SPATA6: variants seen among roughly 807,000 people sequenced by gnomAD.
SPATA6 encodes the protein spermatogenesis associated 6, also known as spermatogenesis-associated protein 6.
SPATA6 carries 56 observed loss-of-function variants against 65.3 expected under a neutral mutation model. The ratio of observed to expected loss-of-function variants is 0.86; its 90% CI spans 0.69 to 1.07. The LOEUF is 1.07. Among genes scored for constraint, SPATA6 ranks in the 50% least tolerant of loss-of-function variants. The pLI is 0.00. For missense variants in SPATA6, 590 were observed against 594.8 expected (o/e 0.99, Z 0.08); for synonymous variants, 199 against 213.2 (o/e 0.93, Z 0.58).
At chr1:48,287,422 G>C in the SPATA6 span, among the ~76,000 whole-genome samples, 1 of 152,188 alleles carries the variant, frequency 6.6e-6, no homozygotes, top group Admixed American at 6.5e-5. Flanking sequence ...TTTCATGTTT[G>C]TCCCCTCCAA....
chr1:48,342,680 T>C (rs1351485128), intron 11 of SPATA6, among the ~76,000 whole-genome samples: 11 of 151,590 alleles, frequency 7.3e-5, no homozygotes, highest in Non-Finnish European at 1.5e-4. Flanking sequence ...AACAAATTTA[T>C]ATTTTGTGAG....
intron 1 of SPATA6, among the ~76,000 whole-genome samples, chr1:48,457,277 C>G (rs535161543): frequency 6.6e-6 from 1 of 151,862 alleles, no homozygotes; most frequent in East Asian, 1.9e-4. Flanking sequence ...ACTAAAAACA[C>G]AAAAATTAGC....
intron 11 of SPATA6, among the ~76,000 whole-genome samples, chr1:48,352,014 G>A (rs1646524803): frequency 6.6e-6 from 1 of 151,930 alleles, no homozygotes; most frequent in Admixed American, 6.6e-5. Flanking sequence ...TTTTCATGCT[G>A]CTGATAAAGA....
intron 1 of SPATA6, among the ~76,000 whole-genome samples, chr1:48,468,075 A>G (rs1301703250): frequency 6.6e-6 from 1 of 152,058 alleles, no homozygotes; most frequent in African/African-American, 2.4e-5. Flanking sequence ...TATGTATCCA[A>G]AGGAAATTAG....
chr1:48,450,095 A>G (rs993613727), intron 3 of SPATA6, among the ~76,000 whole-genome samples: 1 of 152,160 alleles, frequency 6.6e-6, no homozygotes, highest in Non-Finnish European at 1.5e-5. Context: ...AGTAAAAGAC[A>G]AAAGAGCCCA....
At chr1:48,288,471 C>T in the SPATA6 span, among the ~76,000 whole-genome samples, 2 of 152,214 alleles carry the variant, frequency 1.3e-5, no homozygotes, top group African/African-American at 2.4e-5. Flanking sequence ...CTGGGTTCAT[C>T]TCACTGGGGC....
At chr1:48,441,640 T>C (rs114783001) in intron 3 of SPATA6, among the ~76,000 whole-genome samples, 1,871 of 151,810 alleles carry the variant, frequency 0.012, 45 homozygotes, top group African/African-American at 0.043. Flanking sequence ...AACTTCTCTT[T>C]ACACGTCACA....
At chr1:48,409,070 A>G (rs1177086611) in intron 5 of SPATA6, among the ~76,000 whole-genome samples, 1 of 152,232 alleles carries the variant, frequency 6.6e-6, no homozygotes, top group Non-Finnish European at 1.5e-5. Context: ...AAAAGTCCAC[A>G]GTCCAAAGTT....
downstream of SPATA6, among the ~76,000 whole-genome samples, chr1:48,294,956 T>A (rs957106757): frequency 3.9e-5 from 6 of 152,232 alleles, no homozygotes; most frequent in African/African-American, 1.2e-4. Context: ...TGCATTTTCA[T>A]ACCATGGAAG....
At chr1:48,299,017 T>C (rs1644866940) in intron 12 of SPATA6, 124 bp from the exon 13 acceptor site, 12 of 907,262 alleles carry the variant, frequency 1.3e-5, no homozygotes, top group Non-Finnish European at 1.7e-5. Context: ...CTGTGAAAAA[T>C]AAAACAGAGT....
At chr1:48,328,905 T>A (rs1432682388) in intron 11 of SPATA6, among the ~76,000 whole-genome samples, 1 of 152,136 alleles carries the variant, frequency 6.6e-6, no homozygotes, top group Non-Finnish European at 1.5e-5. Flanking sequence ...TGTTTTCTGG[T>A]AAGTATAGAA....
intron 3 of SPATA6, among the ~76,000 whole-genome samples, chr1:48,448,559 A>G (rs1656282538): frequency 6.6e-6 from 1 of 152,020 alleles, no homozygotes; most frequent in Non-Finnish European, 1.5e-5. Flanking sequence ...GCACACCCAT[A>G]TTCCCAGCAC....
At chr1:48,287,692 G>T in the SPATA6 span, among the ~76,000 whole-genome samples, 1 of 152,152 alleles carries the variant, frequency 6.6e-6, no homozygotes, top group Non-Finnish European at 1.5e-5. Context: ...AGCTCCCTGA[G>T]GCCCTCACTA....
At chr1:48,286,173 T>A in the SPATA6 span, among the ~76,000 whole-genome samples, 1 of 152,072 alleles carries the variant, frequency 6.6e-6, no homozygotes, top group South Asian at 2.1e-4. Flanking sequence ...TAGTTTCATA[T>A]GAATTTTAGG....
At chr1:48,395,462 GA>G (rs1650500119) in intron 7 of SPATA6, 108 bp from the exon 8 acceptor site, 1 of 589,206 alleles carries the variant, frequency 1.7e-6, no homozygotes, top group African/African-American at 1.9e-5. Flanking sequence ...TATAATCAGG[GA>G]AACATGATGG....
At chr1:48,455,713 A>C (rs2148168570) in intron 1 of SPATA6, among the ~76,000 whole-genome samples, 1 of 152,306 alleles carries the variant, frequency 6.6e-6, no homozygotes, top group East Asian at 1.9e-4. Flanking sequence ...TAGCTATTAG[A>C]AAATTTAACA....
At chr1:48,359,868 TGTGCACACACAC>T in intron 9 of SPATA6, 98 bp from the exon 10 acceptor site, 4 of 897,254 alleles carry the variant, frequency 4.5e-6, no homozygotes, top group South Asian at 2.8e-5. Context: ...GTCATATGCA[TGTGCACACACAC>T]ACTAATTTTA....
In SPATA6 at chr1:48,299,516, G is replaced by GAAAAAAAAAAAAAAAAAAAAAAA. The variant is rs58072004; in HGVS notation, c.1287-624_1287-623insTTTTTTTTTTTTTTTTTTTTTTT. On this transcript the variant is annotated intron_variant, in intron 12 of 12. Coordinates refer to ENST00000371847, the MANE Select transcript of SPATA6 (RefSeq NM_019073.4). ...ACAACAAGAGCAAAACTCCGTCTCG[G>GAAAAAAAAAAAAAAAAAAAAAAA]AAAAAAAAAAAAAAAAAAAAAGAAT... 2.9e-4 allele frequency among the ~76,000 whole-genome samples: 11 copies of GAAAAAAAAAAAAAAAAAAAAAAA among 38,202 alleles called. 1 individual carries two copies. The highest frequency in any genetic ancestry group is 5.2e-4 in the African/African-American group (6 of 11,540). 25.1% of individuals were successfully genotyped at this position (38,202 alleles called of 152,430 possible).
chr1:48,360,150 T>C (rs995425241), intron 9 of SPATA6, among the ~76,000 whole-genome samples: 6 of 152,278 alleles, frequency 3.9e-5, no homozygotes, highest in East Asian at 1.9e-4. Flanking sequence ...TCAGGTCTAA[T>C]ACTCATTCAC....
Sources: gnomAD v4.1 joint callset for allele counts (sites outside exome capture counted in the v4.1 genomes callset) on GRCh38, gnomAD v4.1.1 for gene constraint, MANE v1.5 for transcripts, NCBI Gene and HGNC (gene_info 2026-07-23, HGNC 2026-07-21) for gene names.